PLXNA2: variants seen among roughly 807,000 people sequenced by gnomAD.
PLXNA2 encodes the protein plexin-A2.
Under a neutral mutation model 193.5 loss-of-function variants are expected in PLXNA2, and 91 were observed. The observed-to-expected ratio is 0.47, with a 90% CI of 0.40 to 0.56. PLXNA2 has a LOEUF of 0.56. PLXNA2 is among the 20% of genes least tolerant of loss of function. The pLI is 0.00. For missense variants in PLXNA2, 1,995 were observed against 2,503.2 expected (o/e 0.80, Z 4.33); for synonymous variants, 997 against 1,027.3 (o/e 0.97, Z 0.56).
rs1011269162 is a variant in PLXNA2 at position 208,092,773 on chromosome 1, A to G, written c.2097+13T>C. 6.3e-7 allele frequency: 1 copy of G among 1,583,218 alleles called. No homozygotes were observed. The highest frequency in any genetic ancestry group is 1.3e-5 in the African/African-American group (1 of 74,352). ...ACTGGGAACACTGCCATGTTAGGGTAAGCCCTTCTTACCTCTGAAATATTG... is the reference window on the plus strand; with the variant it reads ...ACTGGGAACACTGCCATGTTAGGGTGAGCCCTTCTTACCTCTGAAATATTG... On this transcript the variant is annotated intron_variant, in intron 9 of 31. Transcript: ENST00000367033.
At chr1:208,168,641 C>T (rs1462788067) in intron 3 of PLXNA2, among the ~76,000 whole-genome samples, 2 of 149,976 alleles carry the variant, frequency 1.3e-5, no homozygotes, top group African/African-American at 4.9e-5. Context: ...AATGTTCTAT[C>T]TGCTGCTTTC....
chr1:208,028,723 G>A lies in PLXNA2; in HGVS notation c.5438+107C>T. 9.5e-7 allele frequency: 1 copy of A among 1,051,470 alleles called. No individual in the cohort carries two copies. The highest frequency in any genetic ancestry group is 1.4e-6 in the Non-Finnish European group (1 of 717,010). 65.1% of individuals were successfully genotyped at this position (1,051,470 alleles called of 1,614,324 possible). On this transcript the variant is annotated intron_variant, in intron 30 of 31. Transcript: ENST00000367033. The surrounding 1 kb of genome is among the most constrained non-coding windows in gnomAD (Gnocchi z 4.2). ...GGCAGGGAGGGGAGTGGGAGGTCCT[G>A]AAGAGATGACAGACACCGTCGTCTG...
chr1:208,138,999 C>G lies in PLXNA2; in HGVS notation c.1506+3330G>C, dbSNP rs897912562. 5.3e-5 allele frequency among the ~76,000 whole-genome samples: 8 copies of G among 152,214 alleles called. No homozygotes were observed. In the East Asian group the frequency reaches 7.7e-4, roughly 15 times the overall value. The stretch of plus-strand genomic sequence containing the variant: ...CCAAGGTCATGCCACTGCACCACAG[C>G]CTGGGTGACAGGGCAATAGTGAGAC... On this transcript the variant is annotated intron_variant, in intron 4 of 31. Transcript: ENST00000367033.
intron 3 of PLXNA2, among the ~76,000 whole-genome samples, chr1:208,161,747 A>T (rs563524834): frequency 3.2e-4 from 48 of 152,176 alleles, no homozygotes; most frequent in African/African-American, 1.1e-3. Context: ...CTCAGAGATA[A>T]CGGTCTTGGT....
chr1:208,033,962 T>C (rs1234827920), intron 27 of PLXNA2, among the ~76,000 whole-genome samples: 1 of 152,190 alleles, frequency 6.6e-6, no homozygotes, highest in African/African-American at 2.4e-5. Flanking sequence ...TGCTGCTGGG[T>C]TCAGTCCTGT....
chr1:208,087,578 G>A (rs1244432760), intron 9 of PLXNA2, among the ~76,000 whole-genome samples: 1 of 152,142 alleles, frequency 6.6e-6, no homozygotes, highest in Non-Finnish European at 1.5e-5. Context: ...TTTGGCAATT[G>A]CTCTCAGGTC....
intron 3 of PLXNA2, among the ~76,000 whole-genome samples, chr1:208,188,918 A>T (rs576903933): frequency 6.6e-6 from 1 of 152,268 alleles, no homozygotes; most frequent in South Asian, 2.1e-4. Flanking sequence ...AGCAATGCTT[A>T]TGTACTCCAG....
intron 3 of PLXNA2, among the ~76,000 whole-genome samples, chr1:208,169,088 G>A (rs987010693): frequency 6.6e-6 from 1 of 152,124 alleles, no homozygotes; most frequent in East Asian, 1.9e-4. Context: ...ACTCTGGCCT[G>A]TGGATGCTCT....
chr1:208,073,044 C>G (rs1408859877), intron 12 of PLXNA2, among the ~76,000 whole-genome samples: 1 of 152,192 alleles, frequency 6.6e-6, no homozygotes, highest in Non-Finnish European at 1.5e-5. Flanking sequence ...TGACACTGGG[C>G]TAATTCTTTA....
chr1:208,039,894 C>G, intron 23 of PLXNA2, 98 bp downstream of exon 23: 2 of 1,580,052 alleles, frequency 1.3e-6, no homozygotes, highest in Admixed American at 3.3e-5. Context: ...GGTTCCTGCT[C>G]CCGAGGGAGG....
intron 3 of PLXNA2, among the ~76,000 whole-genome samples, chr1:208,194,658 C>A (rs1558238141): frequency 6.6e-6 from 1 of 152,182 alleles, no homozygotes; most frequent in Non-Finnish European, 1.5e-5. Flanking sequence ...ATACATCCTG[C>A]CACCAAGATG....
chr1:208,139,298 A>T (rs1668399183), intron 4 of PLXNA2, among the ~76,000 whole-genome samples: 1 of 152,154 alleles, frequency 6.6e-6, no homozygotes, highest in Admixed American at 6.5e-5. Context: ...TTGAAGTCAG[A>T]GATGGGGCCA....
At chr1:208,187,277 C>T (rs1425471395) in intron 3 of PLXNA2, among the ~76,000 whole-genome samples, 2 of 152,094 alleles carry the variant, frequency 1.3e-5, no homozygotes, top group African/African-American at 2.4e-5. Context: ...GGTGATTAGC[C>T]CTGCAATTAT....
intron 18 of PLXNA2, 67 bp downstream of exon 18, chr1:208,045,811 C>A: frequency 1.9e-6 from 3 of 1,588,554 alleles, no homozygotes; most frequent in Non-Finnish European, 2.6e-6. Context: ...AAAGTCAGGC[C>A]AGGAGCGAGG....
chr1:208,087,734 G>A (rs1666577499), intron 9 of PLXNA2, among the ~76,000 whole-genome samples: 1 of 152,136 alleles, frequency 6.6e-6, no homozygotes, highest in Non-Finnish European at 1.5e-5. Flanking sequence ...TATTCATGAA[G>A]GATCTGTGAA....
intron 4 of PLXNA2, among the ~76,000 whole-genome samples, chr1:208,128,864 G>T (rs1668055164): frequency 6.6e-6 from 1 of 151,888 alleles, no homozygotes; most frequent in African/African-American, 2.4e-5. Context: ...ACCATGCCTG[G>T]CTAATTTTTT....
At chr1:208,189,440 A>T (rs772690293) in intron 3 of PLXNA2, among the ~76,000 whole-genome samples, 6 of 151,510 alleles carry the variant, frequency 4.0e-5, no homozygotes, top group Non-Finnish European at 8.8e-5. Flanking sequence ...AGCATGGTCC[A>T]GCAGGCCCAC....
rs748132868 is a variant in PLXNA2, at chr1:208,079,358, G to T, written c.2488C>A (p.Arg830Ser). Residue 830 changes from arginine (R) to serine (S), a missense_variant, in exon 12 of 32, where the codon CGC (arginine) becomes AGC (serine). By Grantham distance (110) the Arg-to-Ser change is moderately radical. Coordinates refer to ENST00000367033, the MANE Select transcript of PLXNA2 (RefSeq NM_025179.4). ...KFECGWCSGE[R>S]RCTLHQHCTS... Reference sequence around the variant, plus strand: ...CAGTGCTGGTGGAGGGTGCACCTGCGCTCGCCGCTGCACCAGCCACACTCA... The same window carrying T: ...CAGTGCTGGTGGAGGGTGCACCTGCTCTCGCCGCTGCACCAGCCACACTCA... The T allele has an allele frequency of 1.9e-6, 3 of 1,612,614 alleles. No individual in the cohort carries two copies. The highest frequency in any genetic ancestry group is 2.5e-6 in the Non-Finnish European group (3 of 1,179,618).
At chr1:208,155,857 A>G (rs1320899970) in intron 3 of PLXNA2, among the ~76,000 whole-genome samples, 2 of 152,288 alleles carry the variant, frequency 1.3e-5, no homozygotes, top group Admixed American at 1.3e-4. Flanking sequence ...CCCTCTTGCT[A>G]TAGCCTGGAG....
Sources: allele counts gnomAD v4.1 joint callset (sites outside exome capture counted in the v4.1 genomes callset), GRCh38; gene constraint gnomAD v4.1.1; non-coding constraint Gnocchi (gnomAD v3.1); transcripts MANE v1.5; gene names NCBI Gene and HGNC (gene_info 2026-07-23, HGNC 2026-07-21).